Variants in CCDC33 observed in about 807,000 individuals in gnomAD.
CCDC33 encodes the protein coiled-coil domain containing 33.
Under a neutral mutation model 91.9 loss-of-function variants are expected in CCDC33, and 94 were observed. The ratio of observed to expected loss-of-function variants is 1.02; its 90% CI spans 0.87 to 1.21. The LOEUF (loss-of-function observed/expected upper bound fraction) is 1.21. Ranked by LOEUF, CCDC33 falls within the 50% of genes most tolerant of loss-of-function variation. The pLI is 0.00. For missense variants in CCDC33, 940 were observed against 935.5 expected, an observed-to-expected ratio of 1.00 and a Z score of -0.06; for synonymous variants, 396 against 374.5, an observed-to-expected ratio of 1.06 and a Z score of -0.66.
intron 10 of CCDC33, among the ~76,000 whole-genome samples, chr15:74,285,474 T>G (rs2059454166): frequency 6.6e-6 from 1 of 152,134 alleles, no homozygotes; most frequent in African/African-American, 2.4e-5. Flanking sequence ...GAAGCAGGCC[T>G]TCCTATGGCT....
At chr15:74,296,064 C>G (rs987596777) in intron 11 of CCDC33, 116 bp downstream of exon 11, 3 of 826,944 alleles carry the variant, frequency 3.6e-6, no homozygotes, top group Non-Finnish European at 5.6e-6. Context: ...GACCTCCCTC[C>G]CCTTAGGCAC....
At chr15:74,273,773 AT>A (rs1377240082) in intron 7 of CCDC33, among the ~76,000 whole-genome samples, 2 of 147,634 alleles carry the variant, frequency 1.4e-5, no homozygotes, top group South Asian at 2.1e-4. Context: ...CCAGCGAAAA[AT>A]TTTTTTTAAT....
At chr15:74,310,550 A>AG (rs2059973263) in intron 11 of CCDC33, among the ~76,000 whole-genome samples, 1 of 151,130 alleles carries the variant, frequency 6.6e-6, no homozygotes, top group African/African-American at 2.5e-5. Context: ...AAAAAAAAAA[A>AG]AAAGAAATTT....
chr15:74,318,744 C>T, intron 11 of CCDC33: 1 of 692,502 alleles, frequency 1.4e-6, no homozygotes, highest in East Asian at 2.8e-5. Context: ...GCCCAGCAAC[C>T]AGTAGAGGTG....
chr15:74,240,839 C>T lies in CCDC33; in HGVS notation c.22-3146C>T, dbSNP rs189356227. ...ATCTCCCAGCCTCCAGTGATTTGCC[C>T]GCCTCGGCCTCCCAAAGTGCTGGGA... On this transcript the variant is annotated intron_variant, in intron 1 of 18. Coordinates refer to ENST00000398814, the MANE Select transcript of CCDC33 (RefSeq NM_025055.5). Among the ~76,000 whole-genome samples, 30 of 152,272 alleles carry T rather than the reference C, an allele frequency of 2.0e-4. No homozygotes were observed. The East Asian group carries it at 4.8e-3, about 24-fold the overall frequency.
chr15:74,298,805 C>T (rs1041331388), intron 11 of CCDC33, among the ~76,000 whole-genome samples: 1 of 151,362 alleles, frequency 6.6e-6, no homozygotes, highest in Non-Finnish European at 1.5e-5. Context: ...CTCCGCCTCC[C>T]GGGTTCAAGC....
At chr15:74,259,999 G>T (rs988645509) in intron 2 of CCDC33, among the ~76,000 whole-genome samples, 1 of 152,228 alleles carries the variant, frequency 6.6e-6, no homozygotes, top group Non-Finnish European at 1.5e-5. Context: ...CTGTTTCTGT[G>T]CAGGTCCCTG....
rs768721495 is a variant in CCDC33 at position 74,271,761 on chromosome 15, T to C, written c.605T>C (p.Ile202Thr). 6 of 1,613,862 alleles carry C rather than the reference T, an allele frequency of 3.7e-6. No individual in the cohort carries two copies. Among genetic ancestry groups the C allele is most frequent in the African/African-American group, 1.3e-5 (1 of 75,024 alleles). The change falls in exon 6 of 19, where the codon ATT becomes ACT. Residue 202 changes from isoleucine to threonine, a missense_variant. Ile to Thr is a moderately conservative substitution (Grantham distance 89, BLOSUM62 -1). Coordinates refer to ENST00000398814, the MANE Select transcript of CCDC33 (RefSeq NM_025055.5). ...LANNPNPIVVIARVVPNYKEF... is the reference protein window; with the variant it reads ...LANNPNPIVVTARVVPNYKEF... ...AACAACCCCAACCCCATAGTGGTGATTGCCCGGGTCGTTCCCAACTACAAG... is the reference window on the plus strand; with the variant it reads ...AACAACCCCAACCCCATAGTGGTGACTGCCCGGGTCGTTCCCAACTACAAG...
intron 2 of CCDC33, among the ~76,000 whole-genome samples, chr15:74,247,940 G>A (rs2075589464): frequency 6.6e-6 from 1 of 152,158 alleles, no homozygotes; most frequent in African/African-American, 2.4e-5. Context: ...AGCTTGGCGT[G>A]GTGGTGGGCA....
intron 15 of CCDC33, 21 bp from the exon 16 acceptor site, chr15:74,332,658 C>T: frequency 1.9e-6 from 3 of 1,611,128 alleles, no homozygotes; most frequent in Non-Finnish European, 2.5e-6. Flanking sequence ...ATCTCACCAA[C>T]ATCTGTGGCC....
chr15:74,325,632 A>G (rs553745383), intron 11 of CCDC33, among the ~76,000 whole-genome samples: 2 of 152,144 alleles, frequency 1.3e-5, no homozygotes, highest in South Asian at 4.2e-4. Context: ...GCTGCTTCCA[A>G]TGTAGCCTTT....
chr15:74,279,672 G>A (rs2959017), intron 7 of CCDC33, among the ~76,000 whole-genome samples: 77,905 of 151,652 alleles, frequency 0.51, 24,707 homozygotes, highest in Non-Finnish European at 0.71. Context: ...GGGTAGCTGG[G>A]ATTACAGGAG....
At chr15:74,217,082 G>C (rs1032849382), upstream of CCDC33, 1 of 290,134 alleles carries the variant, frequency 3.4e-6, no homozygotes, top group South Asian at 3.4e-5. Context: ...AAAAGGAAGG[G>C]ATCGATGGAA....
At chr15:74,242,187 T>C (rs1373299682) in intron 1 of CCDC33, among the ~76,000 whole-genome samples, 1 of 152,228 alleles carries the variant, frequency 6.6e-6, no homozygotes, top group Non-Finnish European at 1.5e-5. Context: ...AGCTTCCAGA[T>C]AGGTCGGTCC....
chr15:74,218,625 C>CATG lies in CCDC33; in HGVS notation c.440_441insTGA (p.Gln147delinsHisGlu), dbSNP rs1567210681. The CATG allele has an allele frequency of 7.8e-6, 10 of 1,289,854 alleles. No individual in the cohort carries two copies. Among genetic ancestry groups the CATG allele is most frequent in the Non-Finnish European group, 1.0e-5 (10 of 988,888 alleles). The allele number at this position is 1,289,854 out of a possible 1,614,324, so 79.9% of individuals were successfully genotyped here. A position where few individuals can be genotyped will look rare whatever the true frequency, so the allele number is the denominator to read the frequency against. On this transcript the variant is annotated protein_altering_variant, in exon 2 of 3. Transcript: ENST00000635913. This position sits in a 1 kb window ranked among gnomAD's most constrained non-coding sequence, Gnocchi z 4.8. The stretch of plus-strand genomic sequence containing the variant: ...CTTCCCCATCTACCCGAGGCCAGAC[C>CATG]AACCCCGCATGAACCCAAAGGCTCA...
intron 3 of CCDC33, among the ~76,000 whole-genome samples, chr15:74,265,157 A>G (rs1035174840): frequency 6.6e-6 from 1 of 152,138 alleles, no homozygotes; most frequent in Non-Finnish European, 1.5e-5. Flanking sequence ...TCCAGTTCCA[A>G]ATGACCCATC....
upstream of CCDC33, among the ~76,000 whole-genome samples, chr15:74,216,264 C>A (rs1267051784): frequency 3.9e-5 from 6 of 151,954 alleles, no homozygotes; most frequent in Non-Finnish European, 8.8e-5. Context: ...ACCCTCTCCC[C>A]AAAATGGCCA....
At chr15:74,328,979 C>T (rs562200368) in intron 11 of CCDC33, among the ~76,000 whole-genome samples, 2 of 152,312 alleles carry the variant, frequency 1.3e-5, no homozygotes, top group Non-Finnish European at 2.9e-5. Context: ...CCTGCTGTTC[C>T]TCCATCCAGA....
At position 74,331,222 on chromosome 15, in the gene CCDC33, G is replaced by A. The variant is rs377739052; in HGVS notation, c.1697G>A (p.Arg566Gln). Residue 566 changes from arginine (R) to glutamine (Q), a missense_variant, in exon 15 of 19, where the codon CGG (arginine) becomes CAG (glutamine). Arg to Gln is a conservative substitution (Grantham distance 43, BLOSUM62 1). Transcript: ENST00000398814. ...HQEKVIEKME[R>Q]VLEDRLQDRS... ...CTCCAGGTGATCGAGAAGATGGAGCGGGTGCTGGAGGACAGGCTGCAGGAC... is the reference window on the plus strand; with the variant it reads ...CTCCAGGTGATCGAGAAGATGGAGCAGGTGCTGGAGGACAGGCTGCAGGAC... 99 of 1,614,020 alleles carry A rather than the reference G, an allele frequency of 6.1e-5. No homozygotes were observed. Among genetic ancestry groups the A allele is most frequent in the African/African-American group, 5.7e-4 (43 of 74,920 alleles).
Sources: allele counts gnomAD v4.1 joint callset (sites outside exome capture counted in the v4.1 genomes callset), GRCh38; gene constraint gnomAD v4.1.1; non-coding constraint Gnocchi (gnomAD v3.1); transcripts MANE v1.5; gene names NCBI Gene and HGNC (gene_info 2026-07-23, HGNC 2026-07-21).